STXBP5: variants seen among roughly 807,000 people sequenced by gnomAD.
STXBP5 encodes syntaxin binding protein 5.
STXBP5 carries 50 observed loss-of-function variants against 152.4 expected under a neutral mutation model. The ratio of observed to expected loss-of-function variants is 0.33; its 90% confidence interval spans 0.26 to 0.42. The LOEUF is 0.42. STXBP5 is among the 10% of genes least tolerant of loss of function. The probability of loss-of-function intolerance (pLI) is 1.00; values close to 1 mark genes in which losing one functional copy is unlikely to be tolerated. For missense variants in STXBP5, 1,167 were observed against 1,388.6 expected (o/e 0.84, Z 2.54); for synonymous variants, 492 against 494.7 (o/e 0.99, Z 0.07).
intron 7 of STXBP5, among the ~76,000 whole-genome samples, chr6:147,267,420 A>T (rs574026153): frequency 1.3e-5 from 2 of 152,322 alleles, no homozygotes; most frequent in South Asian, 4.1e-4. Context: ...CCAAAGAGAC[A>T]CTGTGCATTT....
chr6:147,242,167 G>T, intron 4 of STXBP5, among the ~76,000 whole-genome samples: 1 of 138,592 alleles, frequency 7.2e-6, no homozygotes, highest in African/African-American at 2.7e-5. Context: ...CTGTGTCTTA[G>T]TTTTAAAAAA....
chr6:147,326,744 G>A (rs1453516603), intron 17 of STXBP5, among the ~76,000 whole-genome samples: 1 of 152,104 alleles, frequency 6.6e-6, no homozygotes, highest in Non-Finnish European at 1.5e-5. Context: ...TTACCCCAAA[G>A]TATAATCTCC....
chr6:147,297,298 T>C (rs1214706386), intron 9 of STXBP5, among the ~76,000 whole-genome samples: 1 of 152,272 alleles, frequency 6.6e-6, no homozygotes, highest in East Asian at 1.9e-4. Context: ...ATGGATGGTA[T>C]AGTCAAAATG....
intron 21 of STXBP5, chr6:147,351,766 C>A: frequency 1.3e-6 from 1 of 764,538 alleles, no homozygotes; most frequent in Non-Finnish European, 1.6e-6. Context: ...GATGTCCCTT[C>A]CAACCCCCAT....
chr6:147,361,867 A>G (rs1014608367), intron 23 of STXBP5, among the ~76,000 whole-genome samples: 2 of 152,194 alleles, frequency 1.3e-5, no homozygotes, highest in African/African-American at 4.8e-5. Flanking sequence ...CTAGCTTTAT[A>G]ATATGTTTGA....
chr6:147,358,653 A>T (rs1784917692), intron 22 of STXBP5, among the ~76,000 whole-genome samples: 3 of 152,190 alleles, frequency 2.0e-5, no homozygotes. Context: ...AGTAACATAA[A>T]CAGTAGATTA....
At chr6:147,250,992 A>C (rs2115278837) in intron 4 of STXBP5, among the ~76,000 whole-genome samples, 1 of 151,040 alleles carries the variant, frequency 6.6e-6, no homozygotes, top group South Asian at 2.1e-4. Context: ...AAAAAAAAAA[A>C]AGAAGGCCGA....
intron 2 of STXBP5, among the ~76,000 whole-genome samples, chr6:147,230,462 T>C (rs958580010): frequency 3.3e-5 from 5 of 151,982 alleles, no homozygotes; most frequent in African/African-American, 1.2e-4. Flanking sequence ...TATTGTTTAC[T>C]ATCTAATTGG....
intron 25 of STXBP5, among the ~76,000 whole-genome samples, chr6:147,370,870 T>C (rs1785507194): frequency 6.6e-6 from 1 of 152,048 alleles, no homozygotes; most frequent in Non-Finnish European, 1.5e-5. Flanking sequence ...AATATAAAGT[T>C]TTCTTAAAAT....
chr6:147,221,903 TTG>T (rs1274776135), intron 2 of STXBP5, among the ~76,000 whole-genome samples: 1 of 152,134 alleles, frequency 6.6e-6, no homozygotes, highest in Non-Finnish European at 1.5e-5. Context: ...TGTACGCCTT[TTG>T]TTGTTGTCTC....
At chr6:147,370,684 A>T (rs1021331855) in intron 25 of STXBP5, among the ~76,000 whole-genome samples, 2 of 152,100 alleles carry the variant, frequency 1.3e-5, no homozygotes, top group Non-Finnish European at 1.5e-5. Context: ...CTAAGTAAGT[A>T]ACTCTGGTAA....
chr6:147,367,365 G>A (rs552004105), intron 25 of STXBP5, among the ~76,000 whole-genome samples: 2 of 152,148 alleles, frequency 1.3e-5, no homozygotes, highest in East Asian at 1.9e-4. Flanking sequence ...AAGGCCAGGC[G>A]TGGTGGCTCA....
chr6:147,280,380 A>G (rs554415933), intron 8 of STXBP5, among the ~76,000 whole-genome samples: 1 of 152,244 alleles, frequency 6.6e-6, no homozygotes, highest in South Asian at 2.1e-4. Flanking sequence ...GATTTGTCCC[A>G]TATTAGTGGT....
chr6:147,223,626 A>C (rs1190722381), intron 2 of STXBP5, among the ~76,000 whole-genome samples: 1 of 152,212 alleles, frequency 6.6e-6, no homozygotes, highest in Non-Finnish European at 1.5e-5. Flanking sequence ...CATTAGAATA[A>C]TTTGTGGAGC....
chr6:147,351,941 A>G (rs965312372), intron 21 of STXBP5: 7 of 960,722 alleles, frequency 7.3e-6, no homozygotes, highest in Non-Finnish European at 8.7e-6. Flanking sequence ...TTAACCTAAT[A>G]TATTCATTCC....
chr6:147,275,181 A>T (rs573341746), intron 7 of STXBP5, among the ~76,000 whole-genome samples: 1 of 152,280 alleles, frequency 6.6e-6, no homozygotes, highest in South Asian at 2.1e-4. Flanking sequence ...AATGTGTCAC[A>T]GTAGGCAGTG....
At chr6:147,251,082 G>C (rs2115279671) in intron 4 of STXBP5, among the ~76,000 whole-genome samples, 1 of 152,196 alleles carries the variant, frequency 6.6e-6, no homozygotes, top group East Asian at 1.9e-4. Context: ...TTCCAACGGA[G>C]GTACCCAGCT....
chr6:147,284,586 A>G (rs982937226), intron 8 of STXBP5, among the ~76,000 whole-genome samples: 1 of 152,210 alleles, frequency 6.6e-6, no homozygotes, highest in Non-Finnish European at 1.5e-5. Context: ...GTGTTGGACT[A>G]TTTCACAAAT....
intron 8 of STXBP5, 61 bp from the exon 9 acceptor site, chr6:147,291,033 C>A: frequency 1.6e-6 from 2 of 1,213,958 alleles, no homozygotes; most frequent in Non-Finnish European, 1.2e-6. Flanking sequence ...TATAAACTAT[C>A]AATGTAAGAA....
Sources: allele counts gnomAD v4.1 joint callset (sites outside exome capture counted in the v4.1 genomes callset), GRCh38; gene constraint gnomAD v4.1.1; transcripts MANE v1.5; gene names NCBI Gene and HGNC (gene_info 2026-07-23, HGNC 2026-07-21).